ICE1: variants seen among roughly 807,000 people sequenced by gnomAD.
The protein encoded by ICE1 is little elongation complex subunit 1.
Under a neutral mutation model 192.7 loss-of-function variants are expected in ICE1, and 64 were observed. That is an observed-to-expected ratio of 0.33 (90% confidence interval 0.27 to 0.41). The LOEUF (loss-of-function observed/expected upper bound fraction) is 0.41, where lower values mean the gene tolerates loss of function less well. Ranked by LOEUF, ICE1 falls within the 10% of genes least tolerant of loss-of-function variation. ICE1 has a pLI of 1.00. For synonymous variants in ICE1, 1,010 were observed against 984.5 expected (o/e 1.03, Z -0.49); for missense variants, 2,708 against 2,696.0 (o/e 1.00, Z -0.10).
intron 17 of ICE1, among the ~76,000 whole-genome samples, chr5:5,484,908 A>G (rs988429269): frequency 6.6e-6 from 1 of 152,216 alleles, no homozygotes; most frequent in Non-Finnish European, 1.5e-5. Context: ...TATGTTCGCA[A>G]TTCTCCTACT....
chr5:5,428,300 A>C (rs1737589720), intron 1 of ICE1, among the ~76,000 whole-genome samples: 1 of 152,082 alleles, frequency 6.6e-6, no homozygotes, highest in Admixed American at 6.5e-5. Flanking sequence ...GAGAAGACAC[A>C]CTCATCTCTG....
At chr5:5,431,728 A>G (rs992876518) in intron 1 of ICE1, among the ~76,000 whole-genome samples, 2 of 151,924 alleles carry the variant, frequency 1.3e-5, no homozygotes, top group African/African-American at 2.4e-5. Flanking sequence ...GTGGTCTGAA[A>G]TTTTGTGTTC....
At chr5:5,465,404 T>C (rs1029035144) in intron 13 of ICE1, among the ~76,000 whole-genome samples, 178 bp downstream of exon 13, 20 of 152,378 alleles carry the variant, frequency 1.3e-4, no homozygotes, top group Non-Finnish European at 2.6e-4. Context: ...ATTTAAAATA[T>C]GATAAGACAC....
At chr5:5,458,711 C>A (rs1026601668) in intron 12 of ICE1, among the ~76,000 whole-genome samples, 1 of 151,990 alleles carries the variant, frequency 6.6e-6, no homozygotes, top group Non-Finnish European at 1.5e-5. Flanking sequence ...CCTACTTTAT[C>A]CTGAAGGGGG....
intron 12 of ICE1, among the ~76,000 whole-genome samples, chr5:5,459,229 G>A (rs1357965009): frequency 6.6e-6 from 1 of 152,200 alleles, no homozygotes. Context: ...TGTTAAAGAG[G>A]TGGGAACTGG....
At chr5:5,483,608 T>A (rs1490089669) in intron 17 of ICE1, among the ~76,000 whole-genome samples, 1 of 152,160 alleles carries the variant, frequency 6.6e-6, no homozygotes, top group Non-Finnish European at 1.5e-5. Flanking sequence ...ATTAAGCCCT[T>A]CTCTGAGGCC....
intron 13 of ICE1, among the ~76,000 whole-genome samples, chr5:5,465,631 G>A (rs1304730820): frequency 6.6e-6 from 1 of 152,140 alleles, no homozygotes; most frequent in East Asian, 1.9e-4. Flanking sequence ...GGAAAAAAGG[G>A]ATGGTTTAAA....
In ICE1 at chr5:5,465,055, T is replaced by A; in HGVS notation, c.5721T>A (p.Thr1907=). The A allele has an allele frequency of 6.2e-7, 1 of 1,613,962 alleles. No individual in the cohort carries two copies. Among genetic ancestry groups the A allele is most frequent in the Admixed American group, 1.7e-5 (1 of 60,020 alleles). The change falls in exon 13 of 19, where the codon ACT becomes ACA. Residue 1907 remains threonine, a synonymous_variant. Coordinates refer to ENST00000296564, the MANE Select transcript of ICE1 (RefSeq NM_015325.3). ...VSQLPLSPKE[T]VESHDKAIAN... is the part of the protein sequence containing the mutation. ...AGTTGCCTTTAAGCCCAAAAGAAAC[T>A]GTGGAGTCCCATGATAAAGCCATAG...
intron 15 of ICE1, 63 bp from the exon 16 acceptor site, chr5:5,473,495 A>G (rs1486566111): frequency 7.2e-7 from 1 of 1,389,444 alleles, no homozygotes; most frequent in African/African-American, 1.5e-5. Flanking sequence ...CTTTTAGATA[A>G]CTAAGGTAAG....
At position 5,437,561 on chromosome 5, in the gene ICE1, A is replaced by C. The variant is rs556712370; in HGVS notation, c.178+447A>C. 182 of 159,642 alleles carry C rather than the reference A, an allele frequency of 1.1e-3. 2 individuals are homozygous for C. In the South Asian group the frequency reaches 0.014, roughly 12 times the overall value. The allele number at this position is 159,642 out of a possible 1,614,324, so 9.9% of individuals were successfully genotyped here. On this transcript the variant is annotated intron_variant, in intron 3 of 18. Transcript: ENST00000296564. ...TTTACAGGGAAATGTGTGTGTATAT[A>C]TATATCTCCAAAATCATAGAAATAG... is the stretch of plus-strand genomic sequence containing the variant.
In ICE1 at chr5:5,422,829, G is replaced by A; in HGVS notation, c.-87G>A. The stretch of plus-strand genomic sequence containing the variant: ...GGCGGGAAGCGGCCTGGCAGGCGGC[G>A]GCCCCGGCGGCATCAGCAGAGACAG... On this transcript the variant is annotated 5_prime_UTR_variant, in exon 1 of 19. Transcript: ENST00000296564. The A allele has an allele frequency of 9.9e-7, 1 of 1,009,080 alleles. No individual in the cohort carries two copies. Among genetic ancestry groups the A allele is most frequent in the Non-Finnish European group, 1.3e-6 (1 of 787,380 alleles). The allele number at this position is 1,009,080 out of a possible 1,614,324, so 62.5% of individuals were successfully genotyped here.
chr5:5,447,625 C>T (rs1166973638), intron 8 of ICE1, 96 bp from the exon 9 acceptor site: 1 of 1,377,762 alleles, frequency 7.3e-7, no homozygotes, highest in Non-Finnish European at 1.0e-6. Context: ...CAAAAACAGT[C>T]CCAGCTGCCT....
At chr5:5,428,131 G>A (rs917163502) in intron 1 of ICE1, among the ~76,000 whole-genome samples, 1 of 152,118 alleles carries the variant, frequency 6.6e-6, no homozygotes, top group African/African-American at 2.4e-5. Context: ...GGATAACTGA[G>A]GTGGGGCTGG....
intron 18 of ICE1, among the ~76,000 whole-genome samples, chr5:5,488,793 G>GT (rs1483873731): frequency 1.3e-5 from 2 of 152,102 alleles, no homozygotes; most frequent in Non-Finnish European, 2.9e-5. Context: ...TTAGGATCAC[G>GT]TTTTATTAAA....
chr5:5,454,584 C>A lies in ICE1; in HGVS notation c.637C>A (p.Leu213Ile). The change falls in exon 11 of 19, where the codon CTC becomes ATC. Residue 213 changes from leucine (L) to isoleucine (I), a missense_variant. Around this residue, in one of 2 missense-constraint regions of ICE1, gnomAD observed 2,366 missense variants for 2,276.6 expected, o/e 1.04. Transcript: ENST00000296564. ...GAAACTGCTTCTGAAGGAACTCTGGCTCTGTGTAAACACAACACACAGACT... is the reference window on the plus strand; with the variant it reads ...GAAACTGCTTCTGAAGGAACTCTGGATCTGTGTAAACACAACACACAGACT... ...KVKLLLKELW[L>I]CVNTTHRLPG... 1 of 1,613,538 alleles carries A rather than the reference C, an allele frequency of 6.2e-7. No individual in the cohort carries two copies. The highest frequency in any genetic ancestry group is 8.5e-7 in the Non-Finnish European group (1 of 1,179,660).
intron 17 of ICE1, among the ~76,000 whole-genome samples, chr5:5,477,384 C>G (rs1423397776): frequency 6.6e-6 from 1 of 152,198 alleles, no homozygotes; most frequent in African/African-American, 2.4e-5. Flanking sequence ...ACTAGAAAAT[C>G]TAGAAGAAAT....
At position 5,489,187 on chromosome 5, in the gene ICE1, C is replaced by G. The variant is rs1279082199; in HGVS notation, c.6658C>G (p.Leu2220Val). The change falls in exon 19 of 19, where the codon CTT becomes GTT. Residue 2220 changes from leucine to valine, a missense_variant. Transcript: ENST00000296564. ...TATACAGTTAGCAGCCGTGTATGCT[C>G]TTTGTGACTTGAGTCCCAGCAATCC... is the stretch of plus-strand genomic sequence containing the variant. ...WGIQLAAVYA[L>V]CDLSPSNPAE... The G allele has an allele frequency of 6.2e-7, 1 of 1,613,940 alleles. No homozygotes were observed. The highest frequency in any genetic ancestry group is 1.7e-5 in the Admixed American group (1 of 60,016).
At position 5,443,236 on chromosome 5, in the gene ICE1, T is replaced by C. The variant is rs1177192893; in HGVS notation, c.378T>C (p.Ser126=). The change falls in exon 6 of 19, where the codon AGT becomes AGC. Residue 126 remains serine (S), a synonymous_variant. Transcript: ENST00000296564. ...YARVKEECLK[S]DAQKKKLEAK... ...GTGTAAAGGAAGAATGCTTGAAGAG[T>C]GATGCTCAGTAAGTAGTTACTAAAT... 2 of 1,480,972 alleles carry C rather than the reference T, an allele frequency of 1.4e-6. No homozygotes were observed. Among genetic ancestry groups the C allele is most frequent in the East Asian group, 5.1e-5 (2 of 38,924 alleles). The allele number at this position is 1,480,972 out of a possible 1,614,324, so 91.7% of individuals were successfully genotyped here.
rs779179049 is a variant in ICE1, at chr5:5,462,531, C to A, written c.3197C>A (p.Thr1066Asn). Residue 1066 changes from threonine (T) to asparagine (N), a missense_variant, in exon 13 of 19, where the codon ACC (threonine) becomes AAC (asparagine). Thr to Asn is a moderately conservative substitution (Grantham distance 65). Around this residue, in one of 2 missense-constraint regions of ICE1, gnomAD observed 2,366 missense variants for 2,276.6 expected, o/e 1.04. Coordinates refer to ENST00000296564, the MANE Select transcript of ICE1 (RefSeq NM_015325.3). ...PGGALPECFG[T>N]TDTTFSSAFC... ...GGTGCTTTGCCTGAGTGTTTTGGCA[C>A]CACAGACACTACTTTTTCTTCAGCA... 1.2e-6 allele frequency: 2 copies of A among 1,613,984 alleles called. No individual in the cohort carries two copies. Among genetic ancestry groups the A allele is most frequent in the South Asian group, 2.2e-5 (2 of 91,072 alleles).
Sources: gnomAD v4.1 joint callset for allele counts (sites outside exome capture counted in the v4.1 genomes callset) on GRCh38, gnomAD v4.1.1 for gene constraint, gnomAD v4.1.1 regional missense constraint, MANE v1.5 for transcripts, NCBI Gene and HGNC (gene_info 2026-07-23, HGNC 2026-07-21) for gene names.